The following TMEM132D variants were observed in gnomAD, a reference collection of about 807,000 sequenced individuals.
TMEM132D encodes the protein transmembrane protein 132D.
Under a neutral mutation model 62.3 loss-of-function variants are expected in TMEM132D, and 21 were observed. The observed-to-expected ratio is 0.34, with a 90% CI of 0.24 to 0.49. TMEM132D has a LOEUF of 0.49. Ranked by LOEUF, TMEM132D falls within the 20% of genes least tolerant of loss-of-function variation. The pLI is 0.99. For synonymous variants in TMEM132D, 621 were observed against 575.6 expected (o/e 1.08, Z -1.13); for missense variants, 1,346 against 1,402.8 (o/e 0.96, Z 0.65).
chr12:129,525,018 C>T (rs1185598493), intron 3 of TMEM132D, among the ~76,000 whole-genome samples: 1 of 143,552 alleles, frequency 7.0e-6, no homozygotes, highest in Non-Finnish European at 1.5e-5. Context: ...CTCCGCCTCC[C>T]GGGTTCAAGC....
chr12:129,451,089 C>G (rs902187591), intron 3 of TMEM132D, among the ~76,000 whole-genome samples: 1 of 152,146 alleles, frequency 6.6e-6, no homozygotes, highest in Non-Finnish European at 1.5e-5. Flanking sequence ...ATGAGGCCTC[C>G]TTGGGCTCTG....
chr12:129,314,229 T>C (rs918321159), intron 4 of TMEM132D, among the ~76,000 whole-genome samples: 2 of 152,234 alleles, frequency 1.3e-5, no homozygotes, highest in Non-Finnish European at 1.5e-5. Flanking sequence ...TGTTATCTTC[T>C]AGAACTTCTG....
chr12:129,903,334 G>A lies in TMEM132D; in HGVS notation c.6C>T (p.Cys2=). 6.4e-7 allele frequency: 1 copy of A among 1,552,318 alleles called. No homozygotes were observed. Among genetic ancestry groups the A allele is most frequent in the Admixed American group, 2.0e-5 (1 of 51,162 alleles). ...GCCACAGCGTCCCCATCTCAGACGG[G>A]CACATCCTGGAGACCCGGAGCGCAG... is the stretch of plus-strand genomic sequence containing the variant. M[C]PSEMGTLWHH... The change falls in exon 1 of 9, where the codon TGC becomes TGT. Residue 2 remains cysteine, a synonymous_variant. Transcript: ENST00000422113. The surrounding 1 kb of genome is among the most constrained non-coding windows in gnomAD (Gnocchi z 6.2).
intron 1 of TMEM132D, among the ~76,000 whole-genome samples, chr12:129,871,187 C>T (rs1874229071): frequency 1.3e-5 from 2 of 152,134 alleles, no homozygotes; most frequent in Non-Finnish European, 2.9e-5. Context: ...AACAGTGATT[C>T]GTTCCAGGTG....
chr12:129,705,318 G>A (rs544993822), intron 1 of TMEM132D, among the ~76,000 whole-genome samples: 14 of 152,062 alleles, frequency 9.2e-5, no homozygotes, highest in African/African-American at 1.9e-4. Flanking sequence ...AGAGAAAACC[G>A]AAAACACCAC....
chr12:129,509,937 G>T (rs75432123), intron 3 of TMEM132D, among the ~76,000 whole-genome samples: 293 of 152,292 alleles, frequency 1.9e-3, no homozygotes, highest in African/African-American at 6.8e-3. Context: ...ACAGAGGACT[G>T]CAGATATCTC....
chr12:129,694,229 G>A (rs1035563005), intron 2 of TMEM132D, among the ~76,000 whole-genome samples: 51 of 152,124 alleles, frequency 3.4e-4, no homozygotes, highest in African/African-American at 1.2e-3. Context: ...ACGCACCCTC[G>A]ATGTGATAAA....
At chr12:129,361,134 G>A (rs557191988) in intron 3 of TMEM132D, among the ~76,000 whole-genome samples, 21 of 152,330 alleles carry the variant, frequency 1.4e-4, no homozygotes, top group Admixed American at 4.6e-4. Context: ...TGTTGGGAAT[G>A]TATCAGAGGC....
chr12:129,614,187 A>C (rs1878855349), intron 2 of TMEM132D, among the ~76,000 whole-genome samples: 1 of 152,228 alleles, frequency 6.6e-6, no homozygotes, highest in Non-Finnish European at 1.5e-5. Context: ...TGGCTCCAGA[A>C]CCCATGCTCT....
intron 5 of TMEM132D, among the ~76,000 whole-genome samples, chr12:129,180,210 G>GGGAGGAGGAGGAGGAGGAGGA (rs61354153): frequency 2.0e-5 from 3 of 149,804 alleles, no homozygotes; most frequent in South Asian, 2.1e-4. Context: ...ACAGATAGTG[G>GGGAGGAGGAGGAGGAGGAGGA]GGAGGAGGAG....
chr12:129,564,087 G>A (rs1369437898), intron 2 of TMEM132D, among the ~76,000 whole-genome samples: 1 of 152,124 alleles, frequency 6.6e-6, no homozygotes, highest in African/African-American at 2.4e-5. Context: ...TAGTCCCAAA[G>A]TATCAGGCAC....
At chr12:129,815,076 G>A (rs1334563508) in intron 1 of TMEM132D, among the ~76,000 whole-genome samples, 5 of 152,174 alleles carry the variant, frequency 3.3e-5, no homozygotes, top group African/African-American at 7.2e-5. Flanking sequence ...TTCCTGGAAC[G>A]TATTAGATGC....
intron 5 of TMEM132D, among the ~76,000 whole-genome samples, chr12:129,163,787 A>C (rs953916879): frequency 8.5e-5 from 13 of 152,128 alleles, no homozygotes; most frequent in Admixed American, 5.2e-4. Context: ...AATTCTTTCC[A>C]GTCACCTCTG....
chr12:129,767,078 C>T (rs528032160), intron 1 of TMEM132D, among the ~76,000 whole-genome samples: 13 of 152,338 alleles, frequency 8.5e-5, no homozygotes, highest in South Asian at 2.1e-4. Flanking sequence ...AGAGCTGTTA[C>T]CCAGCTGCCG....
At chr12:129,483,344 G>A (rs889654917) in intron 3 of TMEM132D, among the ~76,000 whole-genome samples, 4 of 152,110 alleles carry the variant, frequency 2.6e-5, no homozygotes, top group African/African-American at 4.8e-5. Flanking sequence ...CAGAAATTCT[G>A]TTTTAATTTG....
intron 1 of TMEM132D, among the ~76,000 whole-genome samples, chr12:129,783,806 C>G (rs778421071): frequency 2.6e-5 from 4 of 152,200 alleles, no homozygotes; most frequent in Admixed American, 2.6e-4. Flanking sequence ...AATGCTTGCT[C>G]GCTGTAAGTT....
chr12:129,348,857 C>T (rs1439104542), intron 3 of TMEM132D, among the ~76,000 whole-genome samples: 2 of 152,220 alleles, frequency 1.3e-5, no homozygotes, highest in Non-Finnish European at 1.5e-5. Context: ...GACCTTCCAC[C>T]ACAGCTCCCA....
chr12:129,194,214 G>A (rs1878484786), intron 5 of TMEM132D, among the ~76,000 whole-genome samples: 1 of 152,132 alleles, frequency 6.6e-6, no homozygotes, highest in Middle Eastern at 3.2e-3. Context: ...TTAGGGCTGG[G>A]CCCCTCTCTT....
intron 3 of TMEM132D, among the ~76,000 whole-genome samples, chr12:129,502,332 TTGCTACC>T (rs1875176162): frequency 6.6e-6 from 1 of 152,174 alleles, no homozygotes; most frequent in Non-Finnish European, 1.5e-5. Flanking sequence ...TTCGCTACCA[TTGCTACC>T]ATCAAGGTTG....
Sources: allele counts gnomAD v4.1 joint callset (sites outside exome capture counted in the v4.1 genomes callset), GRCh38; gene constraint gnomAD v4.1.1; non-coding constraint Gnocchi (gnomAD v3.1); transcripts MANE v1.5; gene names NCBI Gene and HGNC (gene_info 2026-07-23, HGNC 2026-07-21).